Variants in TRIM9 observed in about 807,000 individuals in gnomAD.
The protein encoded by TRIM9 is E3 ubiquitin-protein ligase TRIM9.
In TRIM9, 26 loss-of-function variants were observed where a neutral mutation model predicts 78.3. The ratio of observed to expected loss-of-function variants is 0.33; its 90% confidence interval spans 0.24 to 0.46. TRIM9 has a LOEUF of 0.46. TRIM9 is among the 20% of genes least tolerant of loss of function. The probability of loss-of-function intolerance (pLI) is 1.00; values close to 1 mark genes in which losing one functional copy is unlikely to be tolerated. For synonymous variants in TRIM9, 398 were observed against 416.5 expected, an observed-to-expected ratio of 0.96 and a Z score of 0.54; for missense variants, 787 against 1,036.4, an observed-to-expected ratio of 0.76 and a Z score of 3.30.
At chr14:51,029,239 C>G (rs190939447) in intron 1 of TRIM9, among the ~76,000 whole-genome samples, 1 of 152,100 alleles carries the variant, frequency 6.6e-6, no homozygotes, top group African/African-American at 2.4e-5. Context: ...GTTACAGGCA[C>G]AGGATGGGTC....
In TRIM9 at chr14:51,000,822, G is replaced by C; in HGVS notation, c.1325C>G (p.Ala442Gly). The change falls in exon 6 of 13, where the codon GCA becomes GGA. Residue 442 changes from alanine to glycine, a missense_variant. Physicochemically the swap from Ala to Gly is moderately conservative, Grantham distance 60. Around this residue, in one of 3 missense-constraint regions of TRIM9, gnomAD observed 421 missense variants for 514.3 expected, o/e 0.82. Transcript: ENST00000684578. ...TTCCTCCAGCTGTAGGATAGGGGTTGCTGGGACTGGAGAGGAAGCTAAACA... is the reference window on the plus strand; with the variant it reads ...TTCCTCCAGCTGTAGGATAGGGGTTCCTGGGACTGGAGAGGAAGCTAAACA... ...VQVKASSPVP[A>G]TPILQLEECC... The C allele has an allele frequency of 6.2e-7, 1 of 1,614,200 alleles. No homozygotes were observed. Among genetic ancestry groups the C allele is most frequent in the South Asian group, 1.1e-5 (1 of 91,090 alleles).
chr14:51,007,507 GAGT>G (rs1377022098), intron 5 of TRIM9, among the ~76,000 whole-genome samples: 2 of 152,302 alleles, frequency 1.3e-5, no homozygotes, highest in East Asian at 3.9e-4. Context: ...GAAGTTGTAG[GAGT>G]TGGTTCTCTA....
At position 50,976,020 on chromosome 14, in the gene TRIM9, G is replaced by T. The variant is rs1230818183; in HGVS notation, c.*1271C>A. 6.6e-6 allele frequency: 1 copy of T among 152,606 alleles called. No individual in the cohort carries two copies. Among genetic ancestry groups the T allele is most frequent in the African/African-American group, 2.4e-5 (1 of 41,430 alleles). The allele number at this position is 152,606 out of a possible 1,614,324, so 9.5% of individuals were successfully genotyped here. ...ATAACAGGCACAGATAGTATATATGGAGACAAGCATGTTTATCCTGAGAAT... is the reference window on the plus strand; with the variant it reads ...ATAACAGGCACAGATAGTATATATGTAGACAAGCATGTTTATCCTGAGAAT... On this transcript the variant is annotated 3_prime_UTR_variant, in exon 13 of 13. Coordinates refer to ENST00000684578, the MANE Select transcript of TRIM9 (RefSeq NM_001387360.1).
At chr14:50,989,313 T>G (rs2053170807) in intron 7 of TRIM9, among the ~76,000 whole-genome samples, 1 of 152,188 alleles carries the variant, frequency 6.6e-6, no homozygotes, top group African/African-American at 2.4e-5. Flanking sequence ...CACACCTACT[T>G]AAGTGCGTAT....
At chr14:51,034,406 A>C (rs2058976690) in intron 1 of TRIM9, among the ~76,000 whole-genome samples, 1 of 152,214 alleles carries the variant, frequency 6.6e-6, no homozygotes. Context: ...AAATTTTAAA[A>C]AATGAGATTC....
intron 1 of TRIM9, among the ~76,000 whole-genome samples, chr14:51,028,312 T>C (rs1338045583): frequency 1.3e-5 from 2 of 152,236 alleles, no homozygotes; most frequent in East Asian, 1.9e-4. Context: ...TGTCCACTTG[T>C]AGAAATTGAG....
intron 1 of TRIM9, among the ~76,000 whole-genome samples, chr14:51,078,250 G>T (rs756626962): frequency 2.0e-5 from 3 of 152,188 alleles, no homozygotes; most frequent in Non-Finnish European, 2.9e-5. Context: ...TGGGTATATT[G>T]TGCCACTGAT....
At chr14:50,981,016 A>G (rs1344729713) in intron 11 of TRIM9, among the ~76,000 whole-genome samples, 3 of 151,282 alleles carry the variant, frequency 2.0e-5, no homozygotes, top group Non-Finnish European at 4.4e-5. Flanking sequence ...ATGAGAATGT[A>G]TCCTGGGGAA....
chr14:51,067,665 C>T (rs1034709974), intron 1 of TRIM9, among the ~76,000 whole-genome samples: 6 of 152,072 alleles, frequency 3.9e-5, no homozygotes, highest in African/African-American at 1.4e-4. Context: ...TCGGCTGGCC[C>T]TTCCTGCAGA....
At chr14:51,035,532 A>G (rs1252014938) in intron 1 of TRIM9, among the ~76,000 whole-genome samples, 6 of 152,236 alleles carry the variant, frequency 3.9e-5, no homozygotes, top group African/African-American at 1.4e-4. Flanking sequence ...TTTTCTATCT[A>G]AAGAACTGAA....
At chr14:50,989,758 A>T (rs995014820) in intron 7 of TRIM9, among the ~76,000 whole-genome samples, 3 of 152,232 alleles carry the variant, frequency 2.0e-5, no homozygotes, top group African/African-American at 7.2e-5. Context: ...TGTGTTCGTA[A>T]CGAATACGTA....
intron 3 of TRIM9, among the ~76,000 whole-genome samples, chr14:51,019,242 A>G (rs957611602): frequency 1.3e-4 from 20 of 152,242 alleles, no homozygotes; most frequent in Non-Finnish European, 2.5e-4. Flanking sequence ...AATACTGCCC[A>G]AGTAGTTCCA....
intron 1 of TRIM9, among the ~76,000 whole-genome samples, chr14:51,070,698 AG>A (rs2062145100): frequency 1.3e-5 from 2 of 152,328 alleles, no homozygotes; most frequent in South Asian, 2.1e-4. Flanking sequence ...TGGGAATAAC[AG>A]GGATTGACTG....
At chr14:51,079,096 CAT>C (rs2063069370) in intron 1 of TRIM9, among the ~76,000 whole-genome samples, 1 of 152,144 alleles carries the variant, frequency 6.6e-6, no homozygotes, top group African/African-American at 2.4e-5. Flanking sequence ...ATCTTTTGTA[CAT>C]ATAGTTTCAG....
intron 3 of TRIM9, among the ~76,000 whole-genome samples, chr14:51,021,168 C>T (rs888659805): frequency 1.6e-4 from 24 of 152,160 alleles, no homozygotes; most frequent in Admixed American, 1.3e-4. Context: ...GCTATAGTGA[C>T]AGTTTTTTAG....
intron 1 of TRIM9, among the ~76,000 whole-genome samples, chr14:51,083,687 C>G (rs1245601838): frequency 1.3e-5 from 2 of 152,152 alleles, no homozygotes; most frequent in African/African-American, 4.8e-5. Context: ...GAATTCAGAT[C>G]TGGGCATCCT....
At chr14:50,980,975 A>T (rs2051802530) in intron 11 of TRIM9, among the ~76,000 whole-genome samples, 2 of 149,052 alleles carry the variant, frequency 1.3e-5, no homozygotes, top group Admixed American at 6.8e-5. Context: ...GTTGAACACT[A>T]CTGTATTTTT....
intron 1 of TRIM9, among the ~76,000 whole-genome samples, chr14:51,041,555 C>T (rs140280296): frequency 9.8e-5 from 15 of 152,354 alleles, no homozygotes; most frequent in African/African-American, 3.1e-4. Flanking sequence ...AACTGCCTTT[C>T]GCCTGATTTC....
chr14:51,022,866 C>T lies in TRIM9; in HGVS notation c.1010G>A (p.Arg337His), dbSNP rs764342412. 76 of 1,614,024 alleles carry T rather than the reference C, an allele frequency of 4.7e-5. No homozygotes were observed. The highest frequency in any genetic ancestry group is 1.6e-4 in the Middle Eastern group (1 of 6,084). ...CTTGTGCTCATGCTCCTTGTTGACG[C>T]GGGCCAGCAGCTGGGCTTTTCTTCT... ...LNRRKAQLLA[R>H]VNKEHEHKLK... The change falls in exon 3 of 13, where the codon CGC becomes CAC. Residue 337 changes from arginine to histidine, a missense_variant. Around this residue, in one of 3 missense-constraint regions of TRIM9, gnomAD observed 352 missense variants for 472.3 expected, o/e 0.75. Transcript: ENST00000684578.
Sources: allele counts gnomAD v4.1 joint callset (sites outside exome capture counted in the v4.1 genomes callset), GRCh38; gene constraint gnomAD v4.1.1; regional missense constraint gnomAD v4.1.1; transcripts MANE v1.5; gene names NCBI Gene and HGNC (gene_info 2026-07-23, HGNC 2026-07-21).